The following PTPRN2 variants were observed in gnomAD, a reference collection of about 807,000 sequenced individuals.
PTPRN2 encodes the protein protein tyrosine phosphatase receptor type N2, also known as receptor-type tyrosine-protein phosphatase N2.
A neutral mutation model predicts 118.8 loss-of-function variants in PTPRN2; 74 were observed. The ratio of observed to expected loss-of-function variants is 0.62; its 90% CI spans 0.52 to 0.76. PTPRN2 has a LOEUF of 0.76. Among genes scored for constraint, PTPRN2 ranks in the 30% least tolerant of loss-of-function variants. The pLI is 0.00. For synonymous variants in PTPRN2, 641 were observed against 608.0 expected (o/e 1.05, Z -0.80); for missense variants, 1,481 against 1,394.4 (o/e 1.06, Z -0.99).
At chr7:158,332,317 T>C (rs1804640004) in intron 2 of PTPRN2, among the ~76,000 whole-genome samples, 1 of 47,322 alleles carries the variant, frequency 2.1e-5, no homozygotes, top group Non-Finnish European at 5.7e-5. Context: ...ACCCACACTC[T>C]CACCATAAGA....
intron 2 of PTPRN2, among the ~76,000 whole-genome samples, chr7:158,394,998 A>T (rs1812235760): frequency 6.6e-6 from 1 of 152,206 alleles, no homozygotes; most frequent in African/African-American, 2.4e-5. Flanking sequence ...TCCACACGAC[A>T]CCTGGGCCAA....
chr7:158,311,988 C>G (rs1175554702), intron 3 of PTPRN2, among the ~76,000 whole-genome samples: 1 of 151,454 alleles, frequency 6.6e-6, no homozygotes, highest in African/African-American at 2.4e-5. Flanking sequence ...TGTAGACACC[C>G]ACACACATGC....
chr7:158,395,939 C>T (rs1309194738), intron 2 of PTPRN2, among the ~76,000 whole-genome samples: 3 of 152,146 alleles, frequency 2.0e-5, no homozygotes, highest in Non-Finnish European at 2.9e-5. Context: ...CTACAGACTT[C>T]CCTCTGCCCC....
intron 14 of PTPRN2, among the ~76,000 whole-genome samples, chr7:157,641,770 C>T (rs1241282520): frequency 2.6e-5 from 4 of 152,294 alleles, no homozygotes; most frequent in African/African-American, 7.2e-5. Flanking sequence ...CTTCTGCAAA[C>T]GTACACAAAT....
intron 9 of PTPRN2, among the ~76,000 whole-genome samples, chr7:158,124,023 T>C (rs1031281017): frequency 2.6e-5 from 4 of 152,116 alleles, no homozygotes; most frequent in Non-Finnish European, 4.4e-5. Context: ...TTCTCTAATC[T>C]GATTCGACCT....
rs145708795 is a variant in PTPRN2 at position 157,705,847 on chromosome 7, C to T, written c.1789-22910G>A. 4.2e-4 allele frequency among the ~76,000 whole-genome samples: 63 copies of T among 151,548 alleles called. No individual in the cohort carries two copies. The East Asian group carries it at 0.011, about 27-fold the overall frequency. The stretch of plus-strand genomic sequence containing the variant: ...GACCCAGGTGCCTTCCAGATCAATG[C>T]GGATCACATCCCCCAGAATGCTGGG... On this transcript the variant is annotated intron_variant, in intron 12 of 22. Transcript: ENST00000389418.
At chr7:157,873,719 A>T (rs986388652) in intron 12 of PTPRN2, among the ~76,000 whole-genome samples, 1 of 152,004 alleles carries the variant, frequency 6.6e-6, no homozygotes, top group Non-Finnish European at 1.5e-5. Flanking sequence ...ACTGTCCTCA[A>T]GCAGAATTTC....
In PTPRN2 at chr7:157,717,357, G is replaced by T. The variant is rs1486068439; in HGVS notation, c.1789-34420C>A. ...ATGGTGCCGTGGGAGCCACGGGTGG[G>T]TATCCTGCAAACATCAGCTTGGACA... On this transcript the variant is annotated intron_variant, in intron 12 of 22. Coordinates refer to ENST00000389418, the MANE Select transcript of PTPRN2 (RefSeq NM_002847.5). 2.0e-5 allele frequency among the ~76,000 whole-genome samples: 3 copies of T among 152,352 alleles called. No homozygotes were observed. The East Asian group carries it at 5.8e-4, about 29-fold the overall frequency.
chr7:157,583,217 G>T lies in PTPRN2; in HGVS notation c.2497-5077C>A, dbSNP rs1276543323. Among the ~76,000 whole-genome samples the T allele has an allele frequency of 1.3e-5, 2 of 152,110 alleles. No individual in the cohort carries two copies. Among genetic ancestry groups the T allele is most frequent in the African/African-American group, 2.4e-5 (1 of 41,412 alleles). ...CACGACGTTAAATTGAAATAAGCCG[G>T]ACACAGAAGGACAGGCACCCCATGA... On this transcript the variant is annotated intron_variant, in intron 17 of 22. Transcript: ENST00000389418. The surrounding 1 kb of genome is among the most constrained non-coding windows in gnomAD (Gnocchi z 5.5).
chr7:157,922,788 T>A (rs1481785108), intron 11 of PTPRN2, among the ~76,000 whole-genome samples: 1 of 145,208 alleles, frequency 6.9e-6, no homozygotes, highest in African/African-American at 2.6e-5. Context: ...GGGAAAATAC[T>A]TTCAATATTT....
intron 9 of PTPRN2, among the ~76,000 whole-genome samples, chr7:158,121,880 A>C (rs1817203330): frequency 6.6e-6 from 1 of 152,222 alleles, no homozygotes; most frequent in South Asian, 2.1e-4. Context: ...AAAGCAGAAG[A>C]GTGCTGGCTC....
In PTPRN2 at chr7:158,555,536, C is replaced by T. The variant is rs1770017448; in HGVS notation, c.112+32022G>A. On this transcript the variant is annotated intron_variant, in intron 1 of 22. Coordinates refer to ENST00000389418, the MANE Select transcript of PTPRN2 (RefSeq NM_002847.5). The surrounding 1 kb of genome is among the most constrained non-coding windows in gnomAD (Gnocchi z 4.7). ...CACAGGGGCAGTCCTGCTGCCCTTT[C>T]GTTCTCTCCCATTGTGCCCTTGGCA... is the stretch of plus-strand genomic sequence containing the variant. 1.3e-5 allele frequency among the ~76,000 whole-genome samples: 2 copies of T among 152,234 alleles called. No homozygotes were observed. The highest frequency in any genetic ancestry group is 2.1e-4 in the South Asian group (1 of 4,830).
chr7:158,004,279 T>C (rs1805494170), intron 11 of PTPRN2, among the ~76,000 whole-genome samples: 2 of 152,206 alleles, frequency 1.3e-5, no homozygotes, highest in South Asian at 2.1e-4. Flanking sequence ...GCCCACTTCC[T>C]GTGTGGCCCC....
intron 2 of PTPRN2, among the ~76,000 whole-genome samples, chr7:158,317,447 C>T (rs535477204): frequency 5.9e-5 from 9 of 152,322 alleles, no homozygotes; most frequent in South Asian, 2.1e-4. Flanking sequence ...AGGAGAGGCG[C>T]GGGGCTGGCG....
rs557232004 is a variant in PTPRN2, at chr7:158,323,902, T to G, written c.164-6970A>C. 1.1e-4 allele frequency among the ~76,000 whole-genome samples: 16 copies of G among 152,160 alleles called. No homozygotes were observed. In the East Asian group the frequency reaches 3.1e-3, roughly 29 times the overall value. On this transcript the variant is annotated intron_variant, in intron 2 of 22. Transcript: ENST00000389418. ...CAACACACACATTTTCACACACTTC[T>G]CCCATGCACGGGACACTCACACATA...
At chr7:158,395,670 AGGCGCGAGGGGCGAGGCGCG>A (rs1812378252) in intron 2 of PTPRN2, among the ~76,000 whole-genome samples, 1 of 59,066 alleles carries the variant, frequency 1.7e-5, no homozygotes, top group East Asian at 4.5e-4. Flanking sequence ...GCGAGGGGCG[AGGCGCGAGGGGCGAGGCGCG>A]AGGGGCGAGG....
chr7:157,927,371 G>T (rs1335955409), intron 11 of PTPRN2, among the ~76,000 whole-genome samples: 34 of 97,556 alleles, frequency 3.5e-4, no homozygotes, highest in Admixed American at 4.6e-4. Context: ...CCTCACGTGT[G>T]CTGGGACCCT....
intron 2 of PTPRN2, among the ~76,000 whole-genome samples, chr7:158,445,948 G>A (rs538222721): frequency 6.6e-6 from 1 of 152,002 alleles, no homozygotes; most frequent in South Asian, 2.1e-4. Flanking sequence ...TCGGACCACC[G>A]CATGTGAGAA....
At chr7:157,645,676 G>T (rs1805021907) in intron 14 of PTPRN2, among the ~76,000 whole-genome samples, 1 of 152,200 alleles carries the variant, frequency 6.6e-6, no homozygotes, top group Non-Finnish European at 1.5e-5. Context: ...GCCCTCTCCT[G>T]AGAGCGGCGT....
Sources: allele counts gnomAD v4.1 joint callset (sites outside exome capture counted in the v4.1 genomes callset), GRCh38; gene constraint gnomAD v4.1.1; non-coding constraint Gnocchi (gnomAD v3.1); transcripts MANE v1.5; gene names NCBI Gene and HGNC (gene_info 2026-07-23, HGNC 2026-07-21).